The following TRIM45 variants were observed in gnomAD, a reference collection of about 807,000 sequenced individuals.
The protein encoded by TRIM45 is E3 ubiquitin-protein ligase TRIM45.
Under a neutral mutation model 46.7 loss-of-function variants are expected in TRIM45, and 45 were observed. That is an observed-to-expected ratio of 0.96 (90% CI 0.76 to 1.24). The LOEUF (loss-of-function observed/expected upper bound fraction) is 1.24. TRIM45 is among the 50% of genes most tolerant of loss of function. The probability of loss-of-function intolerance (pLI) is 0.00; values close to 1 mark genes in which losing one functional copy is unlikely to be tolerated. For synonymous variants in TRIM45, 259 were observed against 285.8 expected (o/e 0.91, Z 0.94); for missense variants, 680 against 728.4 (o/e 0.93, Z 0.77).
In TRIM45 at chr1:117,112,434, G is replaced by A. The variant is rs755982880; in HGVS notation, c.1614C>T (p.Gly538=). 4 of 1,613,436 alleles carry A rather than the reference G, an allele frequency of 2.5e-6. No individual in the cohort carries two copies. The highest frequency in any genetic ancestry group is 3.4e-6 in the Non-Finnish European group (4 of 1,179,736). The part of the protein sequence containing the change: ...GTMPGGYLGC[G]HGHKGHPGHP... ...GACCTGGGTGGCCTTTGTGTCCATG[G>A]CCACAGCCTAGGTACCCACCTACAT... Residue 538 remains glycine, a synonymous_variant, in exon 6 of 6, where the codon GGC becomes GGT. Transcript: ENST00000256649.
upstream of TRIM45, chr1:117,121,942 G>A: frequency 1.5e-6 from 1 of 679,624 alleles, no homozygotes; most frequent in Non-Finnish European, 2.7e-6. This position sits in a 1 kb window ranked among gnomAD's most constrained non-coding sequence, Gnocchi z 4.2. Flanking sequence ...CGTGGGCGGG[G>A]CGGCCGAAGG....
chr1:117,118,612 A>C lies in TRIM45; in HGVS notation c.644T>G (p.Val215Gly). 6.2e-7 allele frequency: 1 copy of C among 1,614,022 alleles called. No homozygotes were observed. ...GGGGTGTTCCCGATGCTCCCCCACC[A>C]CACAATCCTGGCACACGGGCCGGTC... ...FCDRPVCQDC[V>G]VGEHREHPCD... is the part of the protein sequence containing the mutation. Residue 215 changes from valine to glycine, a missense_variant, in exon 2 of 6, where the codon GTG (valine) becomes GGG (glycine). Coordinates refer to ENST00000256649, the MANE Select transcript of TRIM45 (RefSeq NM_025188.4). The surrounding 1 kb of genome is among the most constrained non-coding windows in gnomAD (Gnocchi z 5.7).
At chr1:117,122,527 G>C (rs920720448), upstream of TRIM45, 2 of 152,314 alleles carry the variant, frequency 1.3e-5, no homozygotes, top group Non-Finnish European at 2.9e-5. Context: ...TTCCGGTCCG[G>C]GGGGAGTGCA....
chr1:117,116,123 A>G lies in TRIM45; in HGVS notation c.1353-434T>C, dbSNP rs1650388156. On this transcript the variant is annotated intron_variant, in intron 3 of 5. Coordinates refer to ENST00000256649, the MANE Select transcript of TRIM45 (RefSeq NM_025188.4). The surrounding 1 kb of genome is among the most constrained non-coding windows in gnomAD (Gnocchi z 4.6). ...GAAAACAATCTGAGGGGCAGACCAT[A>G]GCTTTGAGAGAGAATTGAATACAAA... Among the ~76,000 whole-genome samples the G allele has an allele frequency of 6.6e-6, 1 of 152,216 alleles. No individual in the cohort carries two copies. Among genetic ancestry groups the G allele is most frequent in the Non-Finnish European group, 1.5e-5 (1 of 68,046 alleles).
In TRIM45 at chr1:117,116,151, C is replaced by A. The variant is rs756649225; in HGVS notation, c.1353-462G>T. On this transcript the variant is annotated intron_variant, in intron 3 of 5. Coordinates refer to ENST00000256649, the MANE Select transcript of TRIM45 (RefSeq NM_025188.4). The surrounding 1 kb of genome is among the most constrained non-coding windows in gnomAD (Gnocchi z 4.6). Reference sequence around the variant, plus strand: ...TTTGAGAGAGAATTGAATACAAAACCCACACAAGAAAACACATTTGGTCAC... The same window carrying A: ...TTTGAGAGAGAATTGAATACAAAACACACACAAGAAAACACATTTGGTCAC... Among the ~76,000 whole-genome samples, 2 of 152,132 alleles carry A rather than the reference C, an allele frequency of 1.3e-5. No individual in the cohort carries two copies. Among genetic ancestry groups the A allele is most frequent in the Non-Finnish European group, 2.9e-5 (2 of 68,022 alleles).
At position 117,121,495 on chromosome 1, in the gene TRIM45, G is replaced by A. The variant is rs1650631807; in HGVS notation, c.-294C>T. ...ATGCGCTTCCAGGTCTAGCTCTCCA[G>A]CTAGTCCTGCTGCCAACAAAGTCAC... On this transcript the variant is annotated 5_prime_UTR_variant, in exon 1 of 6. Transcript: ENST00000256649. The surrounding 1 kb of genome is among the most constrained non-coding windows in gnomAD (Gnocchi z 4.2). 3 of 525,850 alleles carry A rather than the reference G, an allele frequency of 5.7e-6. No homozygotes were observed. Among genetic ancestry groups the A allele is most frequent in the Non-Finnish European group, 1.0e-5 (3 of 299,650 alleles). 32.6% of individuals were successfully genotyped at this position (525,850 alleles called of 1,614,324 possible).
At position 117,118,414 on chromosome 1, in the gene TRIM45, G is replaced by C. The variant is rs773060785; in HGVS notation, c.842C>G (p.Ser281Trp). 1.2e-6 allele frequency: 2 copies of C among 1,614,020 alleles called. No individual in the cohort carries two copies. Among genetic ancestry groups the C allele is most frequent in the African/African-American group, 2.7e-5 (2 of 74,916 alleles). The stretch of plus-strand genomic sequence containing the variant: ...CTCAATGGCCTTAATGTAGCCCTCC[G>C]AGAATGTCCGGACATCAGCTGCCAC... The part of the protein sequence containing the change: ...EAVAADVRTF[S>W]EGYIKAIEEH... The change falls in exon 2 of 6, where the codon TCG becomes TGG. Residue 281 changes from serine (S) to tryptophan (W), a missense_variant. Physicochemically the swap from Ser to Trp is radical, Grantham distance 177 (BLOSUM62 -3). Transcript: ENST00000256649. The surrounding 1 kb of genome is among the most constrained non-coding windows in gnomAD (Gnocchi z 5.7).
Position 117,115,844 on chromosome 1 carries a change from T to C in TRIM45, c.1353-155A>G, listed in dbSNP as rs1049674179. Among the ~76,000 whole-genome samples the C allele has an allele frequency of 2.0e-5, 3 of 152,238 alleles. No homozygotes were observed. The highest frequency in any genetic ancestry group is 7.2e-5 in the African/African-American group (3 of 41,458). ...TTCCATTTGCTTCAGAAGTTAATTT[T>C]ACAACAGAAGGTAAACAGCATAAAT... On this transcript the variant is annotated intron_variant, in intron 3 of 5. Coordinates refer to ENST00000256649, the MANE Select transcript of TRIM45 (RefSeq NM_025188.4). This position sits in a 1 kb window ranked among gnomAD's most constrained non-coding sequence, Gnocchi z 4.2.
Position 117,112,450 on chromosome 1 carries a change from C to G in TRIM45, c.1598G>C (p.Gly533Ala). ...GTGTCCATGGCCACAGCCTAGGTAC[C>G]CACCTACATGGGACAAAGAGGAAAG... ...RCACGGTMPGGYLGCGHGHKG... is the reference protein window; with the variant it reads ...RCACGGTMPGAYLGCGHGHKG... The change falls in exon 6 of 6, where the codon GGG (glycine) becomes GCG (alanine). Residue 533 changes from glycine (G) to alanine (A), a missense_variant. Transcript: ENST00000256649. 1 of 1,609,970 alleles carries G rather than the reference C, an allele frequency of 6.2e-7. No individual in the cohort carries two copies. The highest frequency in any genetic ancestry group is 8.5e-7 in the Non-Finnish European group (1 of 1,178,250).
At chr1:117,120,468 A>G (rs992250210) in intron 1 of TRIM45, among the ~76,000 whole-genome samples, 7 of 152,370 alleles carry the variant, frequency 4.6e-5, no homozygotes, top group African/African-American at 1.7e-4. Context: ...AGGAAACTGT[A>G]GCTGCACTTT....
At chr1:117,120,288 A>G (rs1386956593) in intron 1 of TRIM45, among the ~76,000 whole-genome samples, 1 of 152,200 alleles carries the variant, frequency 6.6e-6, no homozygotes, top group Non-Finnish European at 1.5e-5. Context: ...GGCAAATCAC[A>G]TAATATTGCT....
rs987111435 is a variant in TRIM45 at position 117,113,255 on chromosome 1, CAG to C, written c.1594+102_1594+103del. 1 of 1,485,846 alleles carries C rather than the reference CAG, an allele frequency of 6.7e-7. No homozygotes were observed. The highest frequency in any genetic ancestry group is 9.1e-7 in the Non-Finnish European group (1 of 1,098,892). The allele number at this position is 1,485,846 out of a possible 1,614,324, so 92.0% of individuals were successfully genotyped here. A position where few individuals can be genotyped will look rare whatever the true frequency, so the allele number is the denominator to read the frequency against. ...AATCACAGACTGTGCTTCCTAGAAA[CAG>C]AGCCTAAGTCCAAATGTCTAGTGGC... On this transcript the variant is annotated intron_variant, in intron 5 of 5. Coordinates refer to ENST00000256649, the MANE Select transcript of TRIM45 (RefSeq NM_025188.4). The surrounding 1 kb of genome is among the most constrained non-coding windows in gnomAD (Gnocchi z 4.0).
intron 4 of TRIM45, among the ~76,000 whole-genome samples, chr1:117,114,789 G>A (rs1209575792): frequency 6.6e-6 from 1 of 152,150 alleles, no homozygotes; most frequent in East Asian, 1.9e-4. Flanking sequence ...CCATAATTAG[G>A]TAAACAATAA....
At position 117,121,400 on chromosome 1, in the gene TRIM45, C is replaced by T; in HGVS notation, c.-199G>A. The T allele has an allele frequency of 1.7e-6, 1 of 605,858 alleles. No individual in the cohort carries two copies. Among genetic ancestry groups the T allele is most frequent in the Non-Finnish European group, 2.8e-6 (1 of 359,400 alleles). The allele number at this position is 605,858 out of a possible 1,614,324, so 37.5% of individuals were successfully genotyped here. On this transcript the variant is annotated 5_prime_UTR_variant, in exon 1 of 6. Transcript: ENST00000256649. The surrounding 1 kb of genome is among the most constrained non-coding windows in gnomAD (Gnocchi z 4.2). The stretch of plus-strand genomic sequence containing the variant: ...TCACCCACAGATCTACTCAGGAGGG[C>T]CCCCTCCTTTCCACTGCATCCCACA...
In TRIM45 at chr1:117,112,412, C is replaced by G. The variant is rs761812628; in HGVS notation, c.1636G>C (p.Gly546Arg). Reference protein sequence around the residue: ...GCGHGHKGHPGHPHWSCCGKF... With the variant: ...GCGHGHKGHPRHPHWSCCGKF... ...CCACAGCATGACCAGTGGGGATGACCTGGGTGGCCTTTGTGTCCATGGCCA... is the reference window on the plus strand; with the variant it reads ...CCACAGCATGACCAGTGGGGATGACGTGGGTGGCCTTTGTGTCCATGGCCA... The change falls in exon 6 of 6, where the codon GGT (glycine) becomes CGT (arginine). Residue 546 changes from glycine to arginine, a missense_variant. Transcript: ENST00000256649. The G allele has an allele frequency of 6.2e-7, 1 of 1,614,038 alleles. No individual in the cohort carries two copies. Among genetic ancestry groups the G allele is most frequent in the African/African-American group, 1.3e-5 (1 of 75,058 alleles).
At chr1:117,123,192 T>C (rs1650728524), upstream of TRIM45, among the ~76,000 whole-genome samples, 1 of 152,222 alleles carries the variant, frequency 6.6e-6, no homozygotes, top group Non-Finnish European at 1.5e-5. Flanking sequence ...TTTTAAATAG[T>C]CCTTACCTAG....
upstream of TRIM45, chr1:117,122,042 C>A: frequency 2.0e-6 from 1 of 508,236 alleles, no homozygotes. Flanking sequence ...CTGTCCCTCT[C>A]TCTGTGGTGA....
rs1005950745 is a variant in TRIM45, at chr1:117,111,426, C to T, written c.*879G>A. 1.3e-5 allele frequency: 2 copies of T among 152,136 alleles called. No individual in the cohort carries two copies. Among genetic ancestry groups the T allele is most frequent in the African/African-American group, 4.8e-5 (2 of 41,418 alleles). 9.4% of individuals were successfully genotyped at this position (152,136 alleles called of 1,614,324 possible). A position where few individuals can be genotyped will look rare whatever the true frequency, so the allele number is the denominator to read the frequency against. On this transcript the variant is annotated 3_prime_UTR_variant, in exon 6 of 6. Coordinates refer to ENST00000256649, the MANE Select transcript of TRIM45 (RefSeq NM_025188.4). ...TTTATTAACTTTCTATTTGTATGCC[C>T]TTGACCAAAGAGTAATCTTCCAGGC...
Position 117,121,361 on chromosome 1 carries a change from C to T in TRIM45, c.-160G>A. 2.4e-6 allele frequency: 2 copies of T among 834,510 alleles called. No individual in the cohort carries two copies. Among genetic ancestry groups the T allele is most frequent in the Non-Finnish European group, 1.8e-6 (1 of 552,864 alleles). 51.7% of individuals were successfully genotyped at this position (834,510 alleles called of 1,614,324 possible). ...TAAAAGGGCAGACGGGAAGACGAGGCGTCCTCGAAGGAATCACCCACAGAT... is the reference window on the plus strand; with the variant it reads ...TAAAAGGGCAGACGGGAAGACGAGGTGTCCTCGAAGGAATCACCCACAGAT... On this transcript the variant is annotated 5_prime_UTR_variant, in exon 1 of 6. Transcript: ENST00000256649. The surrounding 1 kb of genome is among the most constrained non-coding windows in gnomAD (Gnocchi z 4.2).
Sources: allele counts gnomAD v4.1 joint callset (sites outside exome capture counted in the v4.1 genomes callset), GRCh38; gene constraint gnomAD v4.1.1; non-coding constraint Gnocchi (gnomAD v3.1); transcripts MANE v1.5; gene names NCBI Gene and HGNC (gene_info 2026-07-23, HGNC 2026-07-21).